The following DAB1 variants were observed in gnomAD, a reference collection of about 807,000 sequenced individuals.
DAB1 encodes DAB adaptor protein 1.
Under a neutral mutation model 64.6 loss-of-function variants are expected in DAB1, and 15 were observed. The observed-to-expected ratio is 0.23, with a 90% CI of 0.16 to 0.36. The LOEUF (loss-of-function observed/expected upper bound fraction) is 0.36. Among genes scored for constraint, DAB1 ranks in the 10% least tolerant of loss-of-function variants. The pLI is 1.00. For synonymous variants in DAB1, 235 were observed against 251.9 expected, an observed-to-expected ratio of 0.93 and a Z score of 0.64; for missense variants, 596 against 706.7, an observed-to-expected ratio of 0.84 and a Z score of 1.78.
At chr1:58,461,760 T>A (rs1645244236) in intron 3 of DAB1, among the ~76,000 whole-genome samples, 1 of 152,240 alleles carries the variant, frequency 6.6e-6, no homozygotes, top group Non-Finnish European at 1.5e-5. Flanking sequence ...CAATGGCTCC[T>A]GATTTTTTCT....
chr1:57,656,704 G>A (rs1177401332), intron 6 of DAB1, among the ~76,000 whole-genome samples: 2 of 152,132 alleles, frequency 1.3e-5, no homozygotes, highest in Non-Finnish European at 2.9e-5. Context: ...CAATCACAGA[G>A]TAAAAAAAGA....
upstream of DAB1, among the ~76,000 whole-genome samples, chr1:57,884,869 A>T (rs1644199642): frequency 6.6e-6 from 1 of 152,090 alleles, no homozygotes; most frequent in Non-Finnish European, 1.5e-5. Context: ...TGTTAAAAGG[A>T]CCATGGCACC....
At chr1:57,478,591 T>G (rs900584825) in intron 7 of DAB1, among the ~76,000 whole-genome samples, 10 of 136,570 alleles carry the variant, frequency 7.3e-5, no homozygotes, top group South Asian at 2.6e-4. Context: ...CCATTCTTTT[T>G]TTTTTTTTTT....
intron 4 of DAB1, among the ~76,000 whole-genome samples, chr1:58,236,586 T>C (rs758976614): frequency 6.6e-6 from 1 of 152,192 alleles, no homozygotes; most frequent in African/African-American, 2.4e-5. Flanking sequence ...TTTACAGAAA[T>C]AAGAGATTAT....
In DAB1 at chr1:57,910,617, G is replaced by A. The variant is rs553807263; in HGVS notation, n.388-26455C>T. The stretch of plus-strand genomic sequence containing the variant: ...TTTTTAGACAGGAGCCTGGAGCCAC[G>A]TCGTGGCCTGGAATCACAAGGCTGT... On this transcript the variant is annotated intron_variant and non_coding_transcript_variant, in intron 5 of 20. Transcript: ENST00000485760. Among the ~76,000 whole-genome samples the A allele has an allele frequency of 8.9e-4, 135 of 152,320 alleles. 2 individuals are homozygous for A. In the South Asian group the frequency reaches 0.023, roughly 26 times the overall value.
chr1:57,304,047 G>A (rs1022873513), intron 1 of DAB1, among the ~76,000 whole-genome samples: 1 of 152,118 alleles, frequency 6.6e-6, no homozygotes, highest in East Asian at 1.9e-4. Context: ...GTCCATTCTC[G>A]TATTGCTATA....
intron 1 of DAB1, among the ~76,000 whole-genome samples, chr1:57,410,315 G>A (rs1684005955): frequency 6.6e-6 from 1 of 152,206 alleles, no homozygotes; most frequent in African/African-American, 2.4e-5. Context: ...AATGTAGCAA[G>A]TGTTTAAACT....
Position 57,352,424 on chromosome 1 carries a change from T to C in DAB1, c.-136-61258A>G, listed in dbSNP as rs75969090. Among the ~76,000 whole-genome samples, 916 of 152,284 alleles carry C rather than the reference T, an allele frequency of 6.0e-3. 2 individuals are homozygous for C. The highest frequency in any genetic ancestry group is 8.0e-3 in the Admixed American group (123 of 15,292). On this transcript the variant is annotated intron_variant, in intron 1 of 14. Transcript: ENST00000371236. ...TTTTACCCAAAATATGTTTTTTAAA[T>C]GTTGGACGAATTTTGGCTTGAAGAG...
intron 1 of DAB1, among the ~76,000 whole-genome samples, chr1:57,859,175 T>G (rs1268937917): frequency 6.6e-6 from 1 of 152,096 alleles, no homozygotes. Flanking sequence ...TTTCCTAACC[T>G]AGACCCCAAA....
chr1:58,129,180 T>C (rs1653346589), intron 5 of DAB1, among the ~76,000 whole-genome samples: 1 of 151,228 alleles, frequency 6.6e-6, no homozygotes, highest in African/African-American at 2.4e-5. Flanking sequence ...CCTGGTTTAG[T>C]CTTGGGAGAC....
intron 3 of DAB1, among the ~76,000 whole-genome samples, chr1:58,404,655 T>C (rs765981076): frequency 1.3e-5 from 2 of 152,148 alleles, no homozygotes; most frequent in Non-Finnish European, 2.9e-5. Flanking sequence ...AAGCTGTGTG[T>C]TACAAAAGTT....
intron 1 of DAB1, among the ~76,000 whole-genome samples, chr1:58,543,831 C>G (rs1646659643): frequency 6.6e-6 from 1 of 152,186 alleles, no homozygotes; most frequent in Non-Finnish European, 1.5e-5. Flanking sequence ...CACCATACAA[C>G]AGACCTTTCT....
At chr1:57,989,245 C>T (rs1007656091) in intron 5 of DAB1, among the ~76,000 whole-genome samples, 4 of 152,010 alleles carry the variant, frequency 2.6e-5, no homozygotes, top group Non-Finnish European at 4.4e-5. Context: ...ATTACCTGAT[C>T]CCCCTCCTCT....
rs116459294 is a variant in DAB1, at chr1:58,409,415, C to T, written n.258-66012G>A. Among the ~76,000 whole-genome samples the T allele has an allele frequency of 8.2e-3, 1,253 of 152,276 alleles. 24 individuals carry two copies. Among genetic ancestry groups the T allele is most frequent in the African/African-American group, 0.029 (1,203 of 41,550 alleles). ...CCACTATGCCACCCTTCCCCCAGGACGTTATGCAGAGGCCATTTTCAGCTT... is the reference window on the plus strand; with the variant it reads ...CCACTATGCCACCCTTCCCCCAGGATGTTATGCAGAGGCCATTTTCAGCTT... On this transcript the variant is annotated intron_variant and non_coding_transcript_variant, in intron 3 of 20. Transcript: ENST00000485760.
chr1:57,071,498 G>C, intron 6 of DAB1, 24 bp downstream of exon 6: 1 of 1,599,356 alleles, frequency 6.3e-7, no homozygotes, highest in Non-Finnish European at 8.5e-7. Context: ...GATCTCCAGC[G>C]CAAGGATAAA....
chr1:57,551,575 G>A (rs563818471), intron 7 of DAB1, among the ~76,000 whole-genome samples: 2 of 152,286 alleles, frequency 1.3e-5, no homozygotes, highest in South Asian at 4.2e-4. Flanking sequence ...CTCATAGTGT[G>A]AGGATGGGAG....
In DAB1 at chr1:57,210,924, C is replaced by T. The variant is rs117443965; in HGVS notation, c.68-65495G>A. Among the ~76,000 whole-genome samples the T allele has an allele frequency of 4.6e-4, 70 of 152,328 alleles. No individual in the cohort carries two copies. In the East Asian group the frequency reaches 0.013, roughly 29 times the overall value. On this transcript the variant is annotated intron_variant, in intron 2 of 14. Coordinates refer to ENST00000371236, the MANE Select transcript of DAB1 (RefSeq NM_001365792.1). ...TACTACCAACCCATTAAAGTTAAAACATCAATCTTCATCATATCAATTTCA... is the reference window on the plus strand; with the variant it reads ...TACTACCAACCCATTAAAGTTAAAATATCAATCTTCATCATATCAATTTCA...
intron 1 of DAB1, among the ~76,000 whole-genome samples, chr1:57,350,753 T>C (rs1316401845): frequency 6.6e-6 from 1 of 151,366 alleles, no homozygotes; most frequent in Non-Finnish European, 1.5e-5. Context: ...AAAAAAAAAA[T>C]AGCTATTCAA....
intron 4 of DAB1, among the ~76,000 whole-genome samples, chr1:58,299,293 A>G (rs1662063043): frequency 6.6e-6 from 1 of 152,220 alleles, no homozygotes; most frequent in Non-Finnish European, 1.5e-5. Context: ...CTGACTCCAA[A>G]GAGTATGTCC....
Sources: allele counts gnomAD v4.1 joint callset (sites outside exome capture counted in the v4.1 genomes callset), GRCh38; gene constraint gnomAD v4.1.1; transcripts MANE v1.5; gene names NCBI Gene and HGNC (gene_info 2026-07-23, HGNC 2026-07-21).